The following UVSSA variants were observed in gnomAD, a reference collection of about 807,000 sequenced individuals.
The protein encoded by UVSSA is UV-stimulated scaffold protein A.
A neutral mutation model predicts 73.9 loss-of-function variants in UVSSA; 72 were observed. The observed-to-expected ratio is 0.97, with a 90% CI of 0.81 to 1.19. UVSSA has a LOEUF of 1.19. Ranked by LOEUF, UVSSA falls within the 50% of genes most tolerant of loss-of-function variation. The pLI is 0.00. For missense variants in UVSSA, 1,150 were observed against 965.0 expected, an observed-to-expected ratio of 1.19 and a Z score of -2.54; for synonymous variants, 454 against 391.3, an observed-to-expected ratio of 1.16 and a Z score of -1.89.
downstream of UVSSA, chr4:1,392,044 T>C (rs1026615721): frequency 6.6e-6 from 1 of 152,258 alleles, no homozygotes; most frequent in Non-Finnish European, 1.5e-5. Flanking sequence ...AATGGACATT[T>C]AATTCTCTTG....
chr4:1,382,535 C>T (rs938372328), intron 12 of UVSSA, among the ~76,000 whole-genome samples: 4 of 152,220 alleles, frequency 2.6e-5, no homozygotes, highest in African/African-American at 9.6e-5. Flanking sequence ...TTAAATTGCT[C>T]CTTCATTTCA....
intron 3 of UVSSA, among the ~76,000 whole-genome samples, chr4:1,351,087 A>G (rs989977724): frequency 2.0e-5 from 3 of 151,436 alleles, no homozygotes; most frequent in African/African-American, 7.3e-5. Context: ...TGTTTTTAAG[A>G]TGGAGTATTG....
At chr4:1,368,570 C>T (rs1414847847) in intron 8 of UVSSA, among the ~76,000 whole-genome samples, 1 of 152,246 alleles carries the variant, frequency 6.6e-6, no homozygotes, top group Non-Finnish European at 1.5e-5. Flanking sequence ...CAATAGCGTC[C>T]AGCCAAGGGG....
upstream of UVSSA, among the ~76,000 whole-genome samples, chr4:1,345,257 A>G (rs1043943953): frequency 1.3e-5 from 2 of 152,096 alleles, no homozygotes; most frequent in Non-Finnish European, 2.9e-5. Context: ...GGCTGTCAGG[A>G]TTTGCAAACC....
At chr4:1,345,733 T>C (rs1713616429), upstream of UVSSA, among the ~76,000 whole-genome samples, 1 of 150,746 alleles carries the variant, frequency 6.6e-6, no homozygotes, top group Non-Finnish European at 1.5e-5. Context: ...GCTGTGCTGT[T>C]GAGCCTGAGG....
At chr4:1,381,886 T>C (rs981046540) in intron 12 of UVSSA, among the ~76,000 whole-genome samples, 19 of 152,190 alleles carry the variant, frequency 1.2e-4, no homozygotes, top group African/African-American at 4.6e-4. Flanking sequence ...TTGCCCAAGC[T>C]GGTCTTGAAC....
At chr4:1,354,414 C>T (rs1425237319) in intron 5 of UVSSA, 3 of 362,490 alleles carry the variant, frequency 8.3e-6, no homozygotes, top group South Asian at 5.3e-5. Flanking sequence ...GGTTCTGTGC[C>T]CGGCGTGTGG....
At chr4:1,351,950 G>A in intron 4 of UVSSA, 115 bp downstream of exon 4, 2 of 1,488,026 alleles carry the variant, frequency 1.3e-6, no homozygotes, top group Non-Finnish European at 1.8e-6. Context: ...TTTGAGACAG[G>A]CTAGGTGGAG....
intron 7 of UVSSA, among the ~76,000 whole-genome samples, chr4:1,363,527 C>A (rs578037637): frequency 4.6e-4 from 70 of 152,282 alleles, no homozygotes; most frequent in African/African-American, 1.6e-3. Flanking sequence ...TTGTAGCACC[C>A]GGTCCACATC....
chr4:1,381,457 G>A (rs1719493062), intron 12 of UVSSA, among the ~76,000 whole-genome samples: 1 of 152,226 alleles, frequency 6.6e-6, no homozygotes, highest in African/African-American at 2.4e-5. Flanking sequence ...CTGCTATGGC[G>A]GCAGGAGTGC....
upstream of UVSSA, among the ~76,000 whole-genome samples, chr4:1,346,977 C>T (rs13141992): frequency 0.29 from 43,814 of 152,194 alleles, 7,475 homozygotes; most frequent in Non-Finnish European, 0.39. Flanking sequence ...GCGCCTGCGC[C>T]TCCTGGGCTG....
chr4:1,354,910 G>GT, intron 6 of UVSSA, 63 bp downstream of exon 6: 2 of 1,446,412 alleles, frequency 1.4e-6, no homozygotes, highest in Non-Finnish European at 1.9e-6. Flanking sequence ...GCATGGGGGG[G>GT]GTCCCTTTCT....
At chr4:1,354,173 G>A (rs1309562552) in intron 5 of UVSSA, among the ~76,000 whole-genome samples, 1 of 152,238 alleles carries the variant, frequency 6.6e-6, no homozygotes, top group African/African-American at 2.4e-5. Flanking sequence ...AGGTGCCTCA[G>A]CAGTGAGGCT....
chr4:1,349,675 C>T lies in UVSSA; in HGVS notation c.250C>T (p.Gln84Ter). The change falls in exon 3 of 14, where the codon CAG becomes TAG. Residue 84 changes from glutamine to a stop codon, truncating the protein, a stop_gained. Transcript: ENST00000389851. LOFTEE classifies it high-confidence loss of function. Reference protein sequence around the residue: ...QFRMLVVSNFQEFLELTLGTD... With the variant: ...QFRMLVVSNF Reference sequence around the variant, plus strand: ...CCGGATGCTGGTTGTTTCCAACTTCCAGGAGTTCCTGGAGCTCACGCTGGG... The same window carrying T: ...CCGGATGCTGGTTGTTTCCAACTTCTAGGAGTTCCTGGAGCTCACGCTGGG... The T allele has an allele frequency of 1.9e-6, 3 of 1,614,000 alleles. No individual in the cohort carries two copies. Among genetic ancestry groups the T allele is most frequent in the Non-Finnish European group, 1.7e-6 (2 of 1,179,982 alleles).
In UVSSA at chr4:1,385,986, A is replaced by T; in HGVS notation, c.*25A>T. 1 of 1,610,674 alleles carries T rather than the reference A, an allele frequency of 6.2e-7. No homozygotes were observed. Among genetic ancestry groups the T allele is most frequent in the Middle Eastern group, 1.7e-4 (1 of 6,056 alleles). On this transcript the variant is annotated 3_prime_UTR_variant, in exon 14 of 14. Coordinates refer to ENST00000389851, the MANE Select transcript of UVSSA (RefSeq NM_020894.4). Reference sequence around the variant, plus strand: ...GAGAGCGGGGCCCAGTGCACTGGCCATCAGCACTTTCTCCCTCTGCCAGTG... The same window carrying T: ...GAGAGCGGGGCCCAGTGCACTGGCCTTCAGCACTTTCTCCCTCTGCCAGTG...
At position 1,366,321 on chromosome 4, in the gene UVSSA, C is replaced by A; in HGVS notation, c.1178C>A (p.Thr393Lys). Residue 393 changes from threonine to lysine, a missense_variant and splice_region_variant, in exon 8 of 14, where the codon ACA becomes AAA. By Grantham distance (78) the Thr-to-Lys change is moderately conservative (BLOSUM62 -1). Transcript: ENST00000389851. Reference sequence around the variant, plus strand: ...TTGTATTGGGGTGTTTTTCCACAGACAGAAGCCCTGGGGGATGCGGAGGAA... The same window carrying A: ...TTGTATTGGGGTGTTTTTCCACAGAAAGAAGCCCTGGGGGATGCGGAGGAA... ...IEPEGGERRR[T>K]EALGDAEEDE... 6.2e-7 allele frequency: 1 copy of A among 1,609,616 alleles called. No individual in the cohort carries two copies. The highest frequency in any genetic ancestry group is 8.5e-7 in the Non-Finnish European group (1 of 1,177,812).
At chr4:1,354,440 G>C in intron 5 of UVSSA, 1 of 433,394 alleles carries the variant, frequency 2.3e-6, no homozygotes, top group Non-Finnish European at 4.3e-6. Context: ...GTGAGTAGAA[G>C]AGGCTGTGGG....
At chr4:1,345,038 G>C (rs1308167077), upstream of UVSSA, among the ~76,000 whole-genome samples, 1 of 152,160 alleles carries the variant, frequency 6.6e-6, no homozygotes, top group Non-Finnish European at 1.5e-5. Context: ...CCTGGGATGG[G>C]AGCCGTCGGA....
upstream of UVSSA, among the ~76,000 whole-genome samples, chr4:1,344,593 T>G (rs567947648): frequency 6.6e-5 from 10 of 152,284 alleles, no homozygotes; most frequent in South Asian, 1.7e-3. Context: ...TCATCATGAT[T>G]TATCTTGGCT....
Sources: gnomAD v4.1 joint callset for allele counts (sites outside exome capture counted in the v4.1 genomes callset) on GRCh38, gnomAD v4.1.1 for gene constraint, MANE v1.5 for transcripts, NCBI Gene and HGNC (gene_info 2026-07-23, HGNC 2026-07-21) for gene names.